ITGA8: variants seen among roughly 807,000 people sequenced by gnomAD.
ITGA8 encodes integrin subunit alpha 8, also known as integrin alpha-8.
Under a neutral mutation model 142.3 loss-of-function variants are expected in ITGA8, and 91 were observed. The ratio of observed to expected loss-of-function variants is 0.64; its 90% CI spans 0.54 to 0.76. ITGA8 has a LOEUF of 0.76. ITGA8 is among the 30% of genes least tolerant of loss of function. The pLI, the probability that ITGA8 is intolerant of heterozygous loss-of-function variation, is 0.00. For synonymous variants in ITGA8, 505 were observed against 485.2 expected, an observed-to-expected ratio of 1.04 and a Z score of -0.54; for missense variants, 1,406 against 1,327.7, an observed-to-expected ratio of 1.06 and a Z score of -0.92.
At chr10:15,566,532 C>A (rs200881599) in intron 25 of ITGA8, among the ~76,000 whole-genome samples, 1 of 152,004 alleles carries the variant, frequency 6.6e-6, no homozygotes, top group African/African-American at 2.4e-5. Flanking sequence ...AATCCTAGGC[C>A]GGGCATGGTG....
chr10:15,696,544 A>G (rs1367228281), intron 2 of ITGA8, among the ~76,000 whole-genome samples: 1 of 152,198 alleles, frequency 6.6e-6, no homozygotes, highest in Non-Finnish European at 1.5e-5. Flanking sequence ...GTAATAACTT[A>G]CCACTTGTCA....
chr10:15,719,659 G>C lies in ITGA8; in HGVS notation c.113C>G (p.Ala38Gly), dbSNP rs1025142491. ...GMLLWSPACQ[A>G]FNLDVEKLTV... Reference sequence around the variant, plus strand: ...GAGCTTTTCCACGTCCAGGTTGAACGCCTGACAGGCGGGGGACCACAGCAA... The same window carrying C: ...GAGCTTTTCCACGTCCAGGTTGAACCCCTGACAGGCGGGGGACCACAGCAA... The change falls in exon 1 of 30, where the codon GCG becomes GGG. Residue 38 changes from alanine (A) to glycine (G), a missense_variant. Physicochemically the swap from Ala to Gly is moderately conservative, Grantham distance 60. Coordinates refer to ENST00000378076, the MANE Select transcript of ITGA8 (RefSeq NM_003638.3). 6.6e-7 allele frequency: 1 copy of C among 1,517,460 alleles called. No homozygotes were observed. Among genetic ancestry groups the C allele is most frequent in the South Asian group, 1.3e-5 (1 of 78,102 alleles). The allele number at this position is 1,517,460 out of a possible 1,614,324, so 94.0% of individuals were successfully genotyped here.
At chr10:15,709,968 C>T (rs1050354612) in intron 2 of ITGA8, among the ~76,000 whole-genome samples, 2 of 152,164 alleles carry the variant, frequency 1.3e-5, no homozygotes, top group African/African-American at 4.8e-5. Context: ...GAGGGAACAA[C>T]TAAGATGCCA....
At position 15,691,671 on chromosome 10, in the gene ITGA8, A is replaced by C. The variant is rs1834936873; in HGVS notation, c.344-3633T>G. 1.3e-5 allele frequency among the ~76,000 whole-genome samples: 2 copies of C among 152,222 alleles called. 1 individual carries two copies. The highest frequency in any genetic ancestry group is 4.1e-4 in the South Asian group (2 of 4,830). ...AAAAGTCAGGCTCATAGAAGCAAAC[A>C]GTAGAATGGTAGTTACCAGAGGCTG... is the stretch of plus-strand genomic sequence containing the variant. On this transcript the variant is annotated intron_variant, in intron 2 of 29. Transcript: ENST00000378076.
intron 23 of ITGA8, among the ~76,000 whole-genome samples, chr10:15,584,341 A>C (rs1302205634): frequency 6.6e-6 from 1 of 152,158 alleles, no homozygotes; most frequent in Non-Finnish European, 1.5e-5. Context: ...CAAAAAATTG[A>C]ACAAGAATTT....
intron 5 of ITGA8, among the ~76,000 whole-genome samples, chr10:15,677,931 A>G (rs1291356162): frequency 6.6e-6 from 1 of 152,186 alleles, no homozygotes; most frequent in Non-Finnish European, 1.5e-5. Flanking sequence ...TAAGCAAAAT[A>G]TCAACATGTT....
chr10:15,682,885 C>G (rs895083027), intron 4 of ITGA8, among the ~76,000 whole-genome samples: 3 of 151,172 alleles, frequency 2.0e-5, no homozygotes, highest in Admixed American at 6.6e-5. Context: ...TTTCTACTGC[C>G]TGTTATTTAG....
At chr10:15,591,093 T>C (rs1052814789) in intron 22 of ITGA8, among the ~76,000 whole-genome samples, 1 of 152,212 alleles carries the variant, frequency 6.6e-6, no homozygotes, top group African/African-American at 2.4e-5. Flanking sequence ...GGAGTCATTA[T>C]TCTAAAAGTT....
intron 13 of ITGA8, among the ~76,000 whole-genome samples, chr10:15,628,804 TG>T (rs1017148155): frequency 3.9e-5 from 6 of 152,008 alleles, no homozygotes; most frequent in Non-Finnish European, 5.9e-5. Context: ...ATGACACATT[TG>T]TTGTGTGTAT....
rs67683436 is a variant in ITGA8 at position 15,549,201 on chromosome 10, G to GTTTTTTTTTTTTTTTTTTTTTTTTTTTTT, written c.2767-634_2767-633insAAAAAAAAAAAAAAAAAAAAAAAAAAAAA. Among the ~76,000 whole-genome samples the GTTTTTTTTTTTTTTTTTTTTTTTTTTTTT allele has an allele frequency of 1.7e-4, 18 of 107,336 alleles. 2 individuals carry two copies. The highest frequency in any genetic ancestry group is 3.7e-4 in the African/African-American group (7 of 18,674). 70.4% of individuals were successfully genotyped at this position (107,336 alleles called of 152,430 possible). A position where few individuals can be genotyped will look rare whatever the true frequency, so the allele number is the denominator to read the frequency against. ...TTCTTTCTTTTTTCTTTTCTTTTCT[G>GTTTTTTTTTTTTTTTTTTTTTTTTTTTTT]TTTTTTTTTTTTTTTTTTTTTTTTT... On this transcript the variant is annotated intron_variant, in intron 26 of 29. Coordinates refer to ENST00000378076, the MANE Select transcript of ITGA8 (RefSeq NM_003638.3).
chr10:15,620,146 CAG>C (rs1449048078), intron 13 of ITGA8, among the ~76,000 whole-genome samples: 1 of 152,262 alleles, frequency 6.6e-6, no homozygotes, highest in South Asian at 2.1e-4. Flanking sequence ...AGATGCAGAA[CAG>C]AGACTTCATA....
intron 13 of ITGA8, among the ~76,000 whole-genome samples, chr10:15,631,789 AC>A (rs1386711044): frequency 1.5e-4 from 21 of 142,562 alleles, no homozygotes; most frequent in African/African-American, 4.2e-4. Context: ...TTCTAGCCCC[AC>A]CCCCCCCAAA....
intron 27 of ITGA8, among the ~76,000 whole-genome samples, chr10:15,538,512 G>GA (rs71374631): frequency 0.19 from 18,319 of 98,306 alleles, 1,796 homozygotes; most frequent in Non-Finnish European, 0.2. Context: ...ACTCCGTCTC[G>GA]AAAAAAAAAA....
chr10:15,666,378 G>A (rs1237513876), intron 8 of ITGA8, among the ~76,000 whole-genome samples: 1 of 152,198 alleles, frequency 6.6e-6, no homozygotes, highest in African/African-American at 2.4e-5. Flanking sequence ...TGTGTCCTGA[G>A]ACTTTGCTGA....
chr10:15,681,347 G>A (rs927220424), intron 4 of ITGA8, among the ~76,000 whole-genome samples: 3 of 152,316 alleles, frequency 2.0e-5, no homozygotes, highest in South Asian at 2.1e-4. Flanking sequence ...AGAAGTACCC[G>A]TAGGAATAGG....
intron 28 of ITGA8, among the ~76,000 whole-genome samples, chr10:15,519,657 A>G (rs904833606): frequency 1.6e-4 from 24 of 152,150 alleles, no homozygotes; most frequent in African/African-American, 5.8e-4. Flanking sequence ...TGCATCACAG[A>G]AACCCTAGAA....
At chr10:15,590,638 T>C (rs1051132437) in intron 22 of ITGA8, among the ~76,000 whole-genome samples, 2 of 152,142 alleles carry the variant, frequency 1.3e-5, no homozygotes, top group African/African-American at 4.8e-5. Flanking sequence ...TGTTTGTTTT[T>C]GTTTTTTTTC....
At chr10:15,578,319 C>T (rs1834336921) in intron 23 of ITGA8, among the ~76,000 whole-genome samples, 1 of 152,064 alleles carries the variant, frequency 6.6e-6, no homozygotes, top group South Asian at 2.1e-4. Context: ...GCATACTTCC[C>T]TGAAGGTCCA....
intron 21 of ITGA8, among the ~76,000 whole-genome samples, chr10:15,593,969 G>A (rs913759203): frequency 7.9e-5 from 12 of 151,616 alleles, no homozygotes; most frequent in Non-Finnish European, 1.8e-4. Context: ...AGCCTCCTGA[G>A]TAGCTGGGAT....
Sources: allele counts gnomAD v4.1 joint callset (sites outside exome capture counted in the v4.1 genomes callset), GRCh38; gene constraint gnomAD v4.1.1; transcripts MANE v1.5; gene names NCBI Gene and HGNC (gene_info 2026-07-23, HGNC 2026-07-21).